Variants in ATP6V1B2 observed in about 807,000 individuals in gnomAD.
ATP6V1B2 encodes V-type proton ATPase subunit B, brain isoform.
In ATP6V1B2, 23 loss-of-function variants were observed where a neutral mutation model predicts 66.7. That is an observed-to-expected ratio of 0.34 (90% CI 0.25 to 0.49). ATP6V1B2 has a LOEUF of 0.49. Among genes scored for constraint, ATP6V1B2 ranks in the 20% least tolerant of loss-of-function variants. The pLI, the probability that ATP6V1B2 is intolerant of heterozygous loss-of-function variation, is 0.99. For synonymous variants in ATP6V1B2, 278 were observed against 236.7 expected (o/e 1.17, Z -1.60); for missense variants, 478 against 650.8 (o/e 0.73, Z 2.89).
intron 9 of ATP6V1B2, chr8:20,213,180 T>A (rs1418568186): frequency 2.7e-6 from 1 of 375,052 alleles, no homozygotes; most frequent in Non-Finnish European, 4.9e-6. Context: ...TAATTCAAGC[T>A]GTTTATTCAG....
At chr8:20,205,827 A>G (rs1381508568) in intron 2 of ATP6V1B2, among the ~76,000 whole-genome samples, 1 of 152,250 alleles carries the variant, frequency 6.6e-6, no homozygotes, top group Non-Finnish European at 1.5e-5. Context: ...GTTCTCACTT[A>G]TAAACACAGA....
chr8:20,202,857 G>A (rs2072701202), intron 1 of ATP6V1B2, among the ~76,000 whole-genome samples: 1 of 152,106 alleles, frequency 6.6e-6, no homozygotes, highest in Non-Finnish European at 1.5e-5. Context: ...TTTGGTAAAG[G>A]TTTTGGAAAG....
chr8:20,218,147 C>G lies in ATP6V1B2; in HGVS notation c.1267-6C>G. The G allele has an allele frequency of 1.2e-6, 2 of 1,611,958 alleles. No homozygotes were observed. The highest frequency in any genetic ancestry group is 1.7e-6 in the Non-Finnish European group (2 of 1,178,906). ...CTCTGCTGATGGGTGCCTTTCTTCT[C>G]TTTAGTATGCGTGCTATGCTATTGG... On this transcript the variant is annotated splice_polypyrimidine_tract_variant and splice_region_variant and intron_variant, in intron 12 of 13. Transcript: ENST00000276390.
chr8:20,217,633 A>G (rs1252650219), intron 12 of ATP6V1B2, among the ~76,000 whole-genome samples: 1 of 152,194 alleles, frequency 6.6e-6, no homozygotes, highest in Admixed American at 6.5e-5. Flanking sequence ...AGTATTCCTG[A>G]AAGGCTACTC....
At chr8:20,216,352 C>T in intron 10 of ATP6V1B2, 61 bp from the exon 11 acceptor site, 1 of 1,476,442 alleles carries the variant, frequency 6.8e-7, no homozygotes, top group Non-Finnish European at 9.4e-7. Context: ...TGAGAGATGG[C>T]CGCTTTAAAA....
chr8:20,214,703 AAAATGAAC>A, intron 9 of ATP6V1B2, 107 bp from the exon 10 acceptor site: 1 of 1,206,048 alleles, frequency 8.3e-7, no homozygotes, highest in Non-Finnish European at 1.1e-6. Flanking sequence ...GACAGTATTT[AAAATGAAC>A]ATGATGGGAT....
At chr8:20,202,025 G>A (rs886815634) in intron 1 of ATP6V1B2, among the ~76,000 whole-genome samples, 1 of 152,184 alleles carries the variant, frequency 6.6e-6, no homozygotes, top group Non-Finnish European at 1.5e-5. Flanking sequence ...CCATTCATAA[G>A]AGCAGAGCCC....
intron 5 of ATP6V1B2, 56 bp downstream of exon 5, chr8:20,210,702 G>C: frequency 6.7e-7 from 1 of 1,498,490 alleles, no homozygotes; most frequent in African/African-American, 1.4e-5. Flanking sequence ...ACTCTGTCTT[G>C]TACCTTTGCC....
intron 11 of ATP6V1B2, chr8:20,216,795 G>GA: frequency 3.6e-6 from 1 of 276,516 alleles, no homozygotes; most frequent in Admixed American, 4.8e-5. Flanking sequence ...GTTATTGATA[G>GA]AAAAAAATGA....
At chr8:20,209,164 G>A (rs1420347143) in intron 2 of ATP6V1B2, among the ~76,000 whole-genome samples, 1 of 152,110 alleles carries the variant, frequency 6.6e-6, no homozygotes, top group African/African-American at 2.4e-5. Context: ...TGCATGCAGA[G>A]GAAAAGCAAT....
intron 2 of ATP6V1B2, among the ~76,000 whole-genome samples, chr8:20,206,535 A>G (rs2072739875): frequency 6.6e-6 from 1 of 152,206 alleles, no homozygotes; most frequent in South Asian, 2.1e-4. Flanking sequence ...TAATATTACC[A>G]CTACTGTTAA....
At chr8:20,197,908 A>G (rs999585234) in intron 1 of ATP6V1B2, among the ~76,000 whole-genome samples, 6 of 152,102 alleles carry the variant, frequency 3.9e-5, no homozygotes, top group Non-Finnish European at 8.8e-5. Flanking sequence ...TCATTTGGAT[A>G]TCTAGGGGTC....
chr8:20,204,607 A>G, intron 2 of ATP6V1B2, 68 bp downstream of exon 2: 1 of 1,378,534 alleles, frequency 7.3e-7, no homozygotes, highest in Admixed American at 1.9e-5. Context: ...TATTTAGTAT[A>G]CTTTAAATTT....
chr8:20,205,365 C>G (rs188332104), intron 2 of ATP6V1B2, among the ~76,000 whole-genome samples: 29 of 152,194 alleles, frequency 1.9e-4, no homozygotes, highest in African/African-American at 7.0e-4. Flanking sequence ...ACAACGAGAA[C>G]GGGGTCTCCC....
chr8:20,199,458 G>A (rs1344101125), intron 1 of ATP6V1B2, among the ~76,000 whole-genome samples: 1 of 152,066 alleles, frequency 6.6e-6, no homozygotes, highest in Non-Finnish European at 1.5e-5. Context: ...ATATATCCGT[G>A]TTATTCTAAA....
rs2072639965 is a variant in ATP6V1B2 at position 20,197,486 on chromosome 8, G to C, written c.80G>C (p.Gly27Ala). Residue 27 changes from glycine (G) to alanine (A), a missense_variant, in exon 1 of 14, where the codon GGA becomes GCA. Physicochemically the swap from Gly to Ala is moderately conservative, Grantham distance 60 (BLOSUM62 0). Coordinates refer to ENST00000276390, the MANE Select transcript of ATP6V1B2 (RefSeq NM_001693.4). The stretch of plus-strand genomic sequence containing the variant: ...GTGCCCACCGGTGGGCCGGCGGTGG[G>C]AGCTCGGGAGCAGGCGCTGGCAGTC... The part of the protein sequence containing the change: ...LPVPTGGPAV[G>A]AREQALAVSR... The C allele has an allele frequency of 1.3e-6, 2 of 1,506,356 alleles. No homozygotes were observed. Among genetic ancestry groups the C allele is most frequent in the Non-Finnish European group, 8.9e-7 (1 of 1,127,410 alleles). The allele number at this position is 1,506,356 out of a possible 1,614,324, so 93.3% of individuals were successfully genotyped here.
In ATP6V1B2 at chr8:20,214,831, G is replaced by A; in HGVS notation, c.941G>A (p.Arg314Lys). Reference sequence around the variant, plus strand: ...ACCTGCTGTCAGGTTTCAGCAGCCAGGGAAGAGGTACCTGGTCGACGAGGT... The same window carrying A: ...ACCTGCTGTCAGGTTTCAGCAGCCAAGGAAGAGGTACCTGGTCGACGAGGT... ...AEALREVSAAREEVPGRRGFP... is the reference protein window; with the variant it reads ...AEALREVSAAKEEVPGRRGFP... Residue 314 changes from arginine (R) to lysine (K), a missense_variant, in exon 10 of 14, where the codon AGG becomes AAG. Arg to Lys is a conservative substitution (Grantham distance 26). Around this residue, in one of 2 missense-constraint regions of ATP6V1B2, gnomAD observed 326 missense variants for 545.6 expected, o/e 0.60. Transcript: ENST00000276390. 6.2e-7 allele frequency: 1 copy of A among 1,611,866 alleles called. No individual in the cohort carries two copies. Among genetic ancestry groups the A allele is most frequent in the Non-Finnish European group, 8.5e-7 (1 of 1,178,856 alleles).
At chr8:20,199,706 A>G (rs1409762128) in intron 1 of ATP6V1B2, among the ~76,000 whole-genome samples, 1 of 143,018 alleles carries the variant, frequency 7.0e-6, no homozygotes, top group Non-Finnish European at 1.5e-5. Context: ...CGCCTTCCAG[A>G]TTCGAGCAAT....
chr8:20,201,573 T>A (rs941627813), intron 1 of ATP6V1B2, among the ~76,000 whole-genome samples: 2 of 152,150 alleles, frequency 1.3e-5, no homozygotes, highest in African/African-American at 2.4e-5. Context: ...TACTTTTTAA[T>A]TGTACTGAAG....
Sources: gnomAD v4.1 joint callset for allele counts (sites outside exome capture counted in the v4.1 genomes callset) on GRCh38, gnomAD v4.1.1 for gene constraint, gnomAD v4.1.1 regional missense constraint, MANE v1.5 for transcripts, NCBI Gene and HGNC (gene_info 2026-07-23, HGNC 2026-07-21) for gene names.